CCNJ: variants seen among roughly 807,000 people sequenced by gnomAD.
CCNJ encodes the protein cyclin-J.
CCNJ carries 12 observed loss-of-function variants against 41.4 expected under a neutral mutation model. The ratio of observed to expected loss-of-function variants is 0.29; its 90% confidence interval spans 0.19 to 0.47. CCNJ has a LOEUF of 0.47. Among genes scored for constraint, CCNJ ranks in the 20% least tolerant of loss-of-function variants. The pLI is 1.00. For missense variants in CCNJ, 340 were observed against 464.6 expected (o/e 0.73, Z 2.47); for synonymous variants, 161 against 173.4 (o/e 0.93, Z 0.56).
intron 5 of CCNJ, 32 bp downstream of exon 5, chr10:96,057,279 C>T: frequency 1.3e-6 from 2 of 1,590,134 alleles, no homozygotes; most frequent in Non-Finnish European, 1.7e-6. Context: ...TTTGTACTTT[C>T]TCATTAACAG....
chr10:96,051,997 T>A (rs983371598), intron 3 of CCNJ, among the ~76,000 whole-genome samples: 40 of 152,204 alleles, frequency 2.6e-4, no homozygotes, highest in African/African-American at 8.2e-4. Context: ...CCATGTACGT[T>A]GAGCAAAATT....
In CCNJ at chr10:96,058,280, G is replaced by A; in HGVS notation, c.*39G>A. The A allele has an allele frequency of 6.4e-7, 1 of 1,564,192 alleles. No individual in the cohort carries two copies. The highest frequency in any genetic ancestry group is 1.2e-5 in the South Asian group (1 of 84,964). On this transcript the variant is annotated 3_prime_UTR_variant, in exon 6 of 6. Coordinates refer to ENST00000465148, the MANE Select transcript of CCNJ (RefSeq NM_001134375.2). ...TGATAACCGACCCAGACTGCTTTGT[G>A]ACATGAAGCTATGGGTAAGCGTTTT...
chr10:96,047,465 T>C (rs2080395884), intron 2 of CCNJ, among the ~76,000 whole-genome samples: 1 of 152,118 alleles, frequency 6.6e-6, no homozygotes, highest in Non-Finnish European at 1.5e-5. Context: ...CTGGGCAACA[T>C]AGCGAGACCC....
intron 3 of CCNJ, among the ~76,000 whole-genome samples, chr10:96,053,483 C>G (rs1289629432): frequency 6.6e-6 from 1 of 152,076 alleles, no homozygotes; most frequent in African/African-American, 2.4e-5. Flanking sequence ...AAGGTTTTGA[C>G]CTATTTCAAA....
At chr10:96,048,527 ACTAT>A (rs1329243156) in intron 2 of CCNJ, among the ~76,000 whole-genome samples, 10 of 152,252 alleles carry the variant, frequency 6.6e-5, no homozygotes, top group South Asian at 2.1e-4. Context: ...TGTTGTCACC[ACTAT>A]CTATCTTTAG....
intron 2 of CCNJ, among the ~76,000 whole-genome samples, chr10:96,046,652 A>T (rs547475262): frequency 2.0e-5 from 3 of 152,312 alleles, no homozygotes; most frequent in Admixed American, 2.0e-4. Flanking sequence ...ATACTGCAGA[A>T]GGTATTCTAT....
At chr10:96,050,676 G>A (rs1306322293) in intron 3 of CCNJ, among the ~76,000 whole-genome samples, 1 of 152,112 alleles carries the variant, frequency 6.6e-6, no homozygotes, top group African/African-American at 2.4e-5. Flanking sequence ...ATGTGCCTAA[G>A]CCGTACATTC....
intron 2 of CCNJ, 25 bp downstream of exon 2, chr10:96,044,487 T>C: frequency 1.4e-6 from 2 of 1,469,988 alleles, no homozygotes; most frequent in Non-Finnish European, 1.8e-6. Flanking sequence ...CGGCCTGCCT[T>C]CTCCTTCTGT....
intron 1 of CCNJ, 107 bp downstream of exon 1, chr10:96,043,826 T>G: frequency 1.9e-5 from 7 of 378,242 alleles, no homozygotes; most frequent in Non-Finnish European, 2.8e-5. Context: ...CGGCCTTTTG[T>G]TCCCCTTTCT....
Position 96,050,662 on chromosome 10 carries a change from A to G in CCNJ, c.280+196A>G, listed in dbSNP as rs111336163. Reference sequence around the variant, plus strand: ...GAAAAATGGCTTTGGAGCCTGTTAAAAACATGTGCCTAAGCCGTACATTCT... The same window carrying G: ...GAAAAATGGCTTTGGAGCCTGTTAAGAACATGTGCCTAAGCCGTACATTCT... On this transcript the variant is annotated intron_variant, in intron 3 of 5. Coordinates refer to ENST00000465148, the MANE Select transcript of CCNJ (RefSeq NM_001134375.2). Among the ~76,000 whole-genome samples, 701 of 152,350 alleles carry G rather than the reference A, an allele frequency of 4.6e-3. 7 individuals carry two copies. The highest frequency in any genetic ancestry group is 0.016 in the African/African-American group (649 of 41,574).
intron 2 of CCNJ, among the ~76,000 whole-genome samples, chr10:96,045,536 T>C (rs1429305758): frequency 6.6e-6 from 1 of 152,210 alleles, no homozygotes; most frequent in East Asian, 1.9e-4. Context: ...AATTCTGACA[T>C]TCAGTCTCTT....
intron 2 of CCNJ, among the ~76,000 whole-genome samples, chr10:96,046,149 G>A (rs987912551): frequency 6.6e-6 from 1 of 152,080 alleles, no homozygotes; most frequent in African/African-American, 2.4e-5. Context: ...AGCATCCAAG[G>A]CATAAGACCC....
intron 5 of CCNJ, 57 bp from the exon 6 acceptor site, chr10:96,057,773 T>C: frequency 2.6e-6 from 4 of 1,527,572 alleles, no homozygotes; most frequent in Non-Finnish European, 3.6e-6. Context: ...CATGATTTTC[T>C]TGCAGATTTC....
intron 3 of CCNJ, among the ~76,000 whole-genome samples, chr10:96,052,117 G>A (rs2080544337): frequency 6.6e-6 from 1 of 152,184 alleles, no homozygotes; most frequent in African/African-American, 2.4e-5. Context: ...AGCCAGAGAG[G>A]TAATGCTTGT....
At chr10:96,043,760 G>A in intron 1 of CCNJ, 41 bp downstream of exon 1, 1 of 387,864 alleles carries the variant, frequency 2.6e-6, no homozygotes, top group South Asian at 1.4e-4. Flanking sequence ...CGGCAGGCCT[G>A]GGGTAGGCGT....
chr10:96,046,374 A>G (rs960413930), intron 2 of CCNJ, among the ~76,000 whole-genome samples: 1 of 152,236 alleles, frequency 6.6e-6, no homozygotes, highest in African/African-American at 2.4e-5. Context: ...GGAACTGGAG[A>G]GACCACTGTT....
At chr10:96,045,990 A>G (rs568768141) in intron 2 of CCNJ, among the ~76,000 whole-genome samples, 1 of 152,326 alleles carries the variant, frequency 6.6e-6, no homozygotes, top group East Asian at 1.9e-4. Context: ...GGTGATTTCC[A>G]TACTTTTCAA....
rs767049695 is a variant in CCNJ, at chr10:96,057,870, G to C, written c.781G>C (p.Gly261Arg). Residue 261 changes from glycine (G) to arginine (R), a missense_variant, in exon 6 of 6, where the codon GGG (glycine) becomes CGG (arginine). Around this residue, in one of 3 missense-constraint regions of CCNJ, gnomAD observed 159 missense variants for 168.2 expected, o/e 0.95. Transcript: ENST00000465148. ...TGTGAAAGAAGCAAACAAACAGAGA[G>C]GGCAAGCAGGACCTCAGTCAGCGCA... ...NDVKEANKQR[G>R]QAGPQSAQLS... 10 of 1,614,122 alleles carry C rather than the reference G, an allele frequency of 6.2e-6. No individual in the cohort carries two copies. The highest frequency in any genetic ancestry group is 7.6e-6 in the Non-Finnish European group (9 of 1,179,998).
rs543545815 is a variant in CCNJ, at chr10:96,048,289, G to C, written c.70-1967G>C. Among the ~76,000 whole-genome samples the C allele has an allele frequency of 5.9e-5, 9 of 152,184 alleles. No homozygotes were observed. The East Asian group carries it at 1.7e-3, about 29-fold the overall frequency. Reference sequence around the variant, plus strand: ...TAGTAGAATGATTTATATTCCTTTGGTTATATACCCAGTAATGAGATTGCT... The same window carrying C: ...TAGTAGAATGATTTATATTCCTTTGCTTATATACCCAGTAATGAGATTGCT... On this transcript the variant is annotated intron_variant, in intron 2 of 5. Coordinates refer to ENST00000465148, the MANE Select transcript of CCNJ (RefSeq NM_001134375.2).
Sources: gnomAD v4.1 joint callset for allele counts (sites outside exome capture counted in the v4.1 genomes callset) on GRCh38, gnomAD v4.1.1 for gene constraint, gnomAD v4.1.1 regional missense constraint, MANE v1.5 for transcripts, NCBI Gene and HGNC (gene_info 2026-07-23, HGNC 2026-07-21) for gene names.